PALLD: variants seen among roughly 807,000 people sequenced by gnomAD.
PALLD encodes palladin.
A neutral mutation model predicts 123.5 loss-of-function variants in PALLD; 61 were observed. The observed-to-expected ratio is 0.49, with a 90% confidence interval of 0.40 to 0.61. The LOEUF is 0.61. PALLD is among the 20% of genes least tolerant of loss of function. The pLI is 0.00. For synonymous variants in PALLD, 465 were observed against 496.4 expected, an observed-to-expected ratio of 0.94 and a Z score of 0.84; for missense variants, 1,273 against 1,377.0, an observed-to-expected ratio of 0.92 and a Z score of 1.20.
chr4:168,812,208 A>C (rs1426511181), intron 10 of PALLD, among the ~76,000 whole-genome samples: 1 of 152,216 alleles, frequency 6.6e-6, no homozygotes, highest in Non-Finnish European at 1.5e-5. Flanking sequence ...AGGGAAACTA[A>C]CCACAAATTG....
chr4:168,804,764 G>A (rs1739893558), intron 10 of PALLD, among the ~76,000 whole-genome samples: 1 of 152,182 alleles, frequency 6.6e-6, no homozygotes, highest in South Asian at 2.1e-4. Context: ...AAAAGAAATT[G>A]TTCTTTTCAC....
At chr4:168,500,153 T>G (rs6814623) in intron 1 of PALLD, among the ~76,000 whole-genome samples, 5,080 of 152,268 alleles carry the variant, frequency 0.033, 277 homozygotes, top group African/African-American at 0.12. Flanking sequence ...AGGATCAAAC[T>G]GTTCACTTTT....
chr4:168,688,699 T>C (rs1437530624), intron 6 of PALLD, among the ~76,000 whole-genome samples: 1 of 152,164 alleles, frequency 6.6e-6, no homozygotes. Flanking sequence ...CAAATGGCAA[T>C]CCTGGAATAA....
intron 10 of PALLD, among the ~76,000 whole-genome samples, chr4:168,878,577 G>T (rs1387546650): frequency 2.0e-5 from 3 of 151,566 alleles, no homozygotes; most frequent in African/African-American, 7.3e-5. Flanking sequence ...TGATTCTTGC[G>T]TAGCCACTTA....
intron 10 of PALLD, among the ~76,000 whole-genome samples, chr4:168,773,771 C>A (rs886515620): frequency 2.0e-5 from 3 of 152,080 alleles, no homozygotes; most frequent in African/African-American, 7.2e-5. Context: ...TGAGCCCCAC[C>A]CGGCCTCCCC....
chr4:168,642,167 A>G (rs1248019527), intron 2 of PALLD, among the ~76,000 whole-genome samples: 1 of 152,188 alleles, frequency 6.6e-6, no homozygotes, highest in Non-Finnish European at 1.5e-5. Context: ...TTTCAGGATC[A>G]CAAAATGTGC....
Position 168,921,682 on chromosome 4 carries a change from C to G in PALLD, c.2999C>G (p.Thr1000Arg). 6.2e-7 allele frequency: 1 copy of G among 1,611,620 alleles called. No homozygotes were observed. The highest frequency in any genetic ancestry group is 1.3e-5 in the African/African-American group (1 of 74,598). ...ACGTCACGTGATGCCGGCATCTACA[C>G]ATGTATAGCTACCAACCGAGCAGGA... The part of the protein sequence containing the change: ...PVTSRDAGIY[T>R]CIATNRAGQN... Residue 1000 changes from threonine to arginine, a missense_variant, in exon 18 of 22, where the codon ACA becomes AGA. Around this residue, in one of 2 missense-constraint regions of PALLD, gnomAD observed 329 missense variants for 422.5 expected, o/e 0.78. Transcript: ENST00000505667.
chr4:168,744,345 T>C lies in PALLD; in HGVS notation c.1964+32422T>C, dbSNP rs369021611. Reference sequence around the variant, plus strand: ...TAGATCAGTGAGACTAAAGTATCTCTGTTGGGCCAGTTCTTTCTTCTCTGT... The same window carrying C: ...TAGATCAGTGAGACTAAAGTATCTCCGTTGGGCCAGTTCTTTCTTCTCTGT... On this transcript the variant is annotated intron_variant, in intron 10 of 21. Coordinates refer to ENST00000505667, the MANE Select transcript of PALLD (RefSeq NM_001166108.2). Among the ~76,000 whole-genome samples, 69 of 152,342 alleles carry C rather than the reference T, an allele frequency of 4.5e-4. 2 individuals are homozygous for C. In the South Asian group the frequency reaches 0.014, roughly 32 times the overall value.
chr4:168,583,594 C>T (rs1770508901), intron 2 of PALLD, among the ~76,000 whole-genome samples: 2 of 152,116 alleles, frequency 1.3e-5, no homozygotes, highest in South Asian at 2.1e-4. Flanking sequence ...GGAAATATTT[C>T]CAGTGCACCA....
intron 7 of PALLD, 126 bp from the exon 8 acceptor site, chr4:168,691,143 G>GACTGTA: frequency 1.4e-6 from 1 of 720,426 alleles, no homozygotes. Context: ...GATGGAGTTT[G>GACTGTA]ACTGTAACAT....
At chr4:168,814,851 A>G (rs1031072354) in intron 10 of PALLD, among the ~76,000 whole-genome samples, 1 of 152,076 alleles carries the variant, frequency 6.6e-6, no homozygotes, top group African/African-American at 2.4e-5. Flanking sequence ...GCTCACTGCA[A>G]CCTCCACCTC....
intron 10 of PALLD, among the ~76,000 whole-genome samples, chr4:168,780,189 G>A (rs190571163): frequency 1.6e-3 from 249 of 152,296 alleles, no homozygotes; most frequent in Non-Finnish European, 2.5e-3. Context: ...GTGGGCCACC[G>A]CACCTGGTCT....
At chr4:168,901,116 C>A (rs906612759) in intron 14 of PALLD, among the ~76,000 whole-genome samples, 2 of 151,918 alleles carry the variant, frequency 1.3e-5, no homozygotes, top group African/African-American at 4.8e-5. Context: ...TCCCTCCTTC[C>A]TCTCCCTCAA....
At chr4:168,924,702 C>T (rs1208538992) in intron 19 of PALLD, among the ~76,000 whole-genome samples, 3 of 152,106 alleles carry the variant, frequency 2.0e-5, no homozygotes, top group Non-Finnish European at 4.4e-5. Context: ...AAAGACTATT[C>T]AGTGGTTTTT....
intron 2 of PALLD, among the ~76,000 whole-genome samples, chr4:168,534,468 G>A (rs1473312462): frequency 6.6e-6 from 1 of 152,204 alleles, no homozygotes; most frequent in Non-Finnish European, 1.5e-5. Flanking sequence ...AGAAGAAAGT[G>A]TTAATCATTT....
chr4:168,926,435 C>A lies in PALLD; in HGVS notation c.*255C>A. 2.3e-6 allele frequency: 3 copies of A among 1,293,030 alleles called. No homozygotes were observed. The highest frequency in any genetic ancestry group is 5.0e-5 in the East Asian group (2 of 39,644). The allele number at this position is 1,293,030 out of a possible 1,614,324, so 80.1% of individuals were successfully genotyped here. A position where few individuals can be genotyped will look rare whatever the true frequency, so the allele number is the denominator to read the frequency against. On this transcript the variant is annotated 3_prime_UTR_variant, in exon 22 of 22. Transcript: ENST00000505667. ...ACACTGAAACAGCCATTGCCTTGACCAACATATTCCTTTGTCACATTATGT... is the reference window on the plus strand; with the variant it reads ...ACACTGAAACAGCCATTGCCTTGACAAACATATTCCTTTGTCACATTATGT...
At chr4:168,852,469 T>C (rs1048958634) in intron 10 of PALLD, among the ~76,000 whole-genome samples, 1 of 151,962 alleles carries the variant, frequency 6.6e-6, no homozygotes, top group African/African-American at 2.4e-5. Flanking sequence ...CTGGGCAACA[T>C]AGCTAGACTA....
At chr4:168,535,688 GA>G (rs1361925507) in intron 2 of PALLD, among the ~76,000 whole-genome samples, 1 of 152,188 alleles carries the variant, frequency 6.6e-6, no homozygotes, top group Non-Finnish European at 1.5e-5. Context: ...TTGCAATACT[GA>G]AGCCACCACG....
intron 10 of PALLD, among the ~76,000 whole-genome samples, chr4:168,751,657 G>A (rs1413681323): frequency 2.6e-5 from 4 of 152,144 alleles, no homozygotes; most frequent in East Asian, 1.9e-4. Context: ...ACCAGGGCAC[G>A]GACTCCACAG....
Sources: gnomAD v4.1 joint callset for allele counts (sites outside exome capture counted in the v4.1 genomes callset) on GRCh38, gnomAD v4.1.1 for gene constraint, gnomAD v4.1.1 regional missense constraint, MANE v1.5 for transcripts, NCBI Gene and HGNC (gene_info 2026-07-23, HGNC 2026-07-21) for gene names.